The following CORIN variants were observed in gnomAD, a reference collection of about 807,000 sequenced individuals.
CORIN encodes corin, serine peptidase.
CORIN carries 117 observed loss-of-function variants against 125.3 expected under a neutral mutation model. That is an observed-to-expected ratio of 0.93 (90% confidence interval 0.80 to 1.09). CORIN has a LOEUF of 1.09. Among genes scored for constraint, CORIN ranks in the 50% least tolerant of loss-of-function variants. The pLI, the probability that CORIN is intolerant of heterozygous loss-of-function variation, is 0.00. For synonymous variants in CORIN, 450 were observed against 466.4 expected (o/e 0.96, Z 0.45); for missense variants, 1,253 against 1,306.7 (o/e 0.96, Z 0.63).
In CORIN at chr4:47,685,470, A is replaced by C. The variant is rs563219088; in HGVS notation, c.914-1632T>G. ...TTCCCAGAAAAAACAAATTTATAGA[A>C]ACAGAAATCTGAGAAGTAGTTACAG... is the stretch of plus-strand genomic sequence containing the variant. On this transcript the variant is annotated intron_variant, in intron 6 of 21. Transcript: ENST00000273857. Among the ~76,000 whole-genome samples, 7 of 152,328 alleles carry C rather than the reference A, an allele frequency of 4.6e-5. No homozygotes were observed. The South Asian group carries it at 1.4e-3, about 32-fold the overall frequency.
intron 6 of CORIN, among the ~76,000 whole-genome samples, chr4:47,690,128 A>G (rs1390997807): frequency 6.6e-6 from 1 of 152,192 alleles, no homozygotes; most frequent in Admixed American, 6.5e-5. Context: ...TTAATAAACA[A>G]TTACCTCTGA....
At chr4:47,686,005 C>A (rs544600501) in intron 6 of CORIN, among the ~76,000 whole-genome samples, 1 of 148,650 alleles carries the variant, frequency 6.7e-6, no homozygotes, top group African/African-American at 2.5e-5. Context: ...CAAGCAGAAG[C>A]CTGTATCTCA....
chr4:47,785,275 T>C (rs1411587434), intron 3 of CORIN, among the ~76,000 whole-genome samples: 1 of 152,214 alleles, frequency 6.6e-6, no homozygotes, highest in Non-Finnish European at 1.5e-5. Context: ...CCAAAGCTTC[T>C]TGGCATTTTC....
intron 3 of CORIN, 97 bp downstream of exon 3, chr4:47,786,628 C>T (rs77493589): frequency 6.9e-6 from 6 of 870,524 alleles, no homozygotes; most frequent in African/African-American, 3.3e-5. Flanking sequence ...CCTGTGTGAC[C>T]GGCAAGTGAT....
chr4:47,626,592 G>T lies in CORIN; in HGVS notation c.2199-71C>A, dbSNP rs956656324. ...TTTGAACAGGCATTATCATTATTTA[G>T]CACTCATTCCCTTTCAAAAAGAAGC... is the stretch of plus-strand genomic sequence containing the variant. On this transcript the variant is annotated intron_variant, in intron 16 of 21. Coordinates refer to ENST00000273857, the MANE Select transcript of CORIN (RefSeq NM_006587.4). 12 of 934,184 alleles carry T rather than the reference G, an allele frequency of 1.3e-5. No homozygotes were observed. The Admixed American group carries it at 2.0e-4, about 16-fold the overall frequency. 57.9% of individuals were successfully genotyped at this position (934,184 alleles called of 1,614,324 possible).
chr4:47,723,906 G>T (rs1336783640), intron 5 of CORIN, among the ~76,000 whole-genome samples: 1 of 148,166 alleles, frequency 6.7e-6, no homozygotes, highest in Non-Finnish European at 1.5e-5. Context: ...TGAGGCAGGA[G>T]AACGGCGTGA....
intron 19 of CORIN, among the ~76,000 whole-genome samples, chr4:47,607,556 A>G (rs1721701375): frequency 6.6e-6 from 1 of 152,030 alleles, no homozygotes; most frequent in African/African-American, 2.4e-5. Flanking sequence ...CCCTCCTGTC[A>G]ACCCGGGTAT....
rs543458530 is a variant in CORIN at position 47,764,462 on chromosome 4, T to G, written c.410-876A>C. 5.3e-5 allele frequency among the ~76,000 whole-genome samples: 8 copies of G among 152,374 alleles called. No individual in the cohort carries two copies. The South Asian group carries it at 1.7e-3, about 32-fold the overall frequency. On this transcript the variant is annotated intron_variant, in intron 3 of 21. Transcript: ENST00000273857. ...TAGGAATCGACCACATTTTCTTTTT[T>G]ATTCCTTATTCTCTTGTCTGTATAA... is the stretch of plus-strand genomic sequence containing the variant.
intron 6 of CORIN, among the ~76,000 whole-genome samples, chr4:47,690,574 A>G (rs547261543): frequency 6.6e-6 from 1 of 152,306 alleles, no homozygotes; most frequent in South Asian, 2.1e-4. Context: ...TTAGCTAGAG[A>G]TCATTTTTGC....
intron 9 of CORIN, among the ~76,000 whole-genome samples, chr4:47,677,582 T>C (rs538566724): frequency 1.6e-4 from 25 of 152,330 alleles, no homozygotes; most frequent in Non-Finnish European, 2.8e-4. Context: ...TAGGAAGACA[T>C]TACATTTCCT....
intron 13 of CORIN, among the ~76,000 whole-genome samples, chr4:47,646,768 T>A (rs73142013): frequency 1.7e-4 from 26 of 152,342 alleles, no homozygotes; most frequent in African/African-American, 6.0e-4. Context: ...ATATAATTTA[T>A]TTTAAGGTCA....
intron 19 of CORIN, among the ~76,000 whole-genome samples, chr4:47,612,590 A>G (rs1262057149): frequency 6.6e-6 from 1 of 152,204 alleles, no homozygotes; most frequent in Non-Finnish European, 1.5e-5. Flanking sequence ...AGAGAAGAGA[A>G]ATCAGTGACT....
intron 10 of CORIN, among the ~76,000 whole-genome samples, 168 bp downstream of exon 10, chr4:47,674,225 C>G (rs1206815128): frequency 6.6e-6 from 1 of 152,050 alleles, no homozygotes; most frequent in Non-Finnish European, 1.5e-5. Flanking sequence ...TAATTAAGAC[C>G]ATTTGGTTTC....
At chr4:47,836,903 C>A (rs1235462403) in intron 1 of CORIN, among the ~76,000 whole-genome samples, 3 of 152,206 alleles carry the variant, frequency 2.0e-5, no homozygotes, top group Non-Finnish European at 4.4e-5. Flanking sequence ...CTGCAGCTAG[C>A]GTCACCGGTC....
chr4:47,648,192 C>T lies in CORIN; in HGVS notation c.1844-2998G>A, dbSNP rs562450913. Among the ~76,000 whole-genome samples the T allele has an allele frequency of 2.6e-5, 4 of 152,186 alleles. No individual in the cohort carries two copies. The South Asian group carries it at 6.2e-4, about 24-fold the overall frequency. ...TTCTAAAAGGAAAAGGATATGATTC[C>T]ATCAAAAATTAAAAACAGGCATGGA... is the stretch of plus-strand genomic sequence containing the variant. On this transcript the variant is annotated intron_variant, in intron 13 of 21. Coordinates refer to ENST00000273857, the MANE Select transcript of CORIN (RefSeq NM_006587.4).
rs898860786 is a variant in CORIN, at chr4:47,595,333, A to T, written c.*388T>A. The T allele has an allele frequency of 1.3e-5, 2 of 154,336 alleles. No homozygotes were observed. Among genetic ancestry groups the T allele is most frequent in the South Asian group, 4.1e-4 (2 of 4,884 alleles). The allele number at this position is 154,336 out of a possible 1,614,324, so 9.6% of individuals were successfully genotyped here. On this transcript the variant is annotated 3_prime_UTR_variant, in exon 22 of 22. Transcript: ENST00000273857. ...GCTTGAGAAACAAAAACTGGTAGAG[A>T]TAATTAATCAGCCTAAATATCTATG...
At chr4:47,763,134 A>C (rs889975150) in intron 4 of CORIN, among the ~76,000 whole-genome samples, 1 of 152,100 alleles carries the variant, frequency 6.6e-6, no homozygotes, top group Non-Finnish European at 1.5e-5. Context: ...CTGGATCCTC[A>C]CTAGAACAGC....
chr4:47,780,483 T>C (rs1165403658), intron 3 of CORIN, among the ~76,000 whole-genome samples: 1 of 151,880 alleles, frequency 6.6e-6, no homozygotes, highest in Non-Finnish European at 1.5e-5. Flanking sequence ...AGTGAATAAA[T>C]AAGGTAAAAA....
intron 7 of CORIN, chr4:47,681,099 T>G (rs764428198): frequency 6.6e-6 from 1 of 152,230 alleles, no homozygotes; most frequent in Non-Finnish European, 1.5e-5. Flanking sequence ...TGGTATACCC[T>G]GAATATAAGC....
Sources: gnomAD v4.1 joint callset for allele counts (sites outside exome capture counted in the v4.1 genomes callset) on GRCh38, gnomAD v4.1.1 for gene constraint, MANE v1.5 for transcripts, NCBI Gene and HGNC (gene_info 2026-07-23, HGNC 2026-07-21) for gene names.